TMEM266: variants seen among roughly 807,000 people sequenced by gnomAD.
TMEM266 encodes the protein Hv1 related protein 1.
In TMEM266, 33 loss-of-function variants were observed where a neutral mutation model predicts 50.5. The ratio of observed to expected loss-of-function variants is 0.65; its 90% CI spans 0.50 to 0.87. The LOEUF is 0.87. Among genes scored for constraint, TMEM266 ranks in the 40% least tolerant of loss-of-function variants. The pLI is 0.00. For synonymous variants in TMEM266, 310 were observed against 292.3 expected (o/e 1.06, Z -0.62); for missense variants, 655 against 695.1 (o/e 0.94, Z 0.65).
chr15:76,082,524 G>A (rs2036710520), intron 1 of TMEM266, among the ~76,000 whole-genome samples: 1 of 152,202 alleles, frequency 6.6e-6, no homozygotes, highest in Non-Finnish European at 1.5e-5. Context: ...GCACAGAATT[G>A]CAGCAATTAA....
chr15:76,138,205 A>G (rs1436772144), intron 3 of TMEM266, among the ~76,000 whole-genome samples: 1 of 143,402 alleles, frequency 7.0e-6, no homozygotes, highest in Non-Finnish European at 1.5e-5. Flanking sequence ...CTGGGCGACA[A>G]GAGTAAAACT....
intron 1 of TMEM266, among the ~76,000 whole-genome samples, chr15:76,083,269 T>C (rs2036723442): frequency 6.8e-6 from 1 of 147,400 alleles, no homozygotes; most frequent in South Asian, 2.2e-4. Context: ...TCTTGCTCTG[T>C]CGCCCAGGCT....
chr15:76,186,360 G>T (rs1369912212), intron 8 of TMEM266, among the ~76,000 whole-genome samples: 2 of 152,202 alleles, frequency 1.3e-5, no homozygotes, highest in Non-Finnish European at 2.9e-5. Flanking sequence ...GCCCAGCTCT[G>T]AGGGTCCCGC....
At chr15:76,130,956 A>G (rs1357094761) in intron 1 of TMEM266, among the ~76,000 whole-genome samples, 1 of 152,240 alleles carries the variant, frequency 6.6e-6, no homozygotes, top group East Asian at 1.9e-4. Flanking sequence ...CACTACTAGA[A>G]ATGTGCAAAA....
intron 1 of TMEM266, among the ~76,000 whole-genome samples, chr15:76,085,250 C>T (rs1036700455): frequency 3.4e-4 from 51 of 149,298 alleles, no homozygotes; most frequent in African/African-American, 1.1e-3. Flanking sequence ...TGAGCCACCG[C>T]GCCCAGCCTT....
chr15:76,108,378 T>G (rs1016428073), intron 1 of TMEM266, among the ~76,000 whole-genome samples: 1 of 152,204 alleles, frequency 6.6e-6, no homozygotes, highest in South Asian at 2.1e-4. Flanking sequence ...TGTCATAGAT[T>G]GTAGAAGCTT....
intron 1 of TMEM266, among the ~76,000 whole-genome samples, chr15:76,067,221 A>T (rs1182461043): frequency 6.6e-6 from 1 of 152,234 alleles, no homozygotes; most frequent in East Asian, 1.9e-4. Context: ...AGGAAAATTT[A>T]GACTCTATAA....
chr15:76,137,551 C>T (rs551773217), intron 2 of TMEM266, among the ~76,000 whole-genome samples, 156 bp from the exon 3 acceptor site: 3 of 152,300 alleles, frequency 2.0e-5, no homozygotes, highest in Admixed American at 1.3e-4. Flanking sequence ...GTCCAGTCCT[C>T]GGGTCCGCGG....
chr15:76,069,654 A>C (rs916875648), intron 1 of TMEM266, among the ~76,000 whole-genome samples: 1 of 152,064 alleles, frequency 6.6e-6, no homozygotes, highest in African/African-American at 2.4e-5. Flanking sequence ...CCCCATCTCT[A>C]CTAAATACAA....
intron 9 of TMEM266, among the ~76,000 whole-genome samples, chr15:76,201,285 CT>C (rs1244813476): frequency 1.3e-5 from 2 of 152,176 alleles, no homozygotes. Context: ...CTTAGGATGG[CT>C]TTTGGGGTCT....
intron 3 of TMEM266, among the ~76,000 whole-genome samples, chr15:76,138,114 C>G (rs1043085294): frequency 6.7e-6 from 1 of 149,318 alleles, no homozygotes; most frequent in Non-Finnish European, 1.5e-5. Flanking sequence ...CTCAGCTATT[C>G]AGGAGGCTGA....
At chr15:76,164,697 C>T (rs769580584) in intron 5 of TMEM266, among the ~76,000 whole-genome samples, 58 of 152,228 alleles carry the variant, frequency 3.8e-4, no homozygotes, top group Non-Finnish European at 7.2e-4. Flanking sequence ...CAGGGGTCAG[C>T]CAGCAGTGCC....
At chr15:76,162,217 G>A (rs2038028750) in intron 5 of TMEM266, among the ~76,000 whole-genome samples, 2 of 152,166 alleles carry the variant, frequency 1.3e-5, no homozygotes, top group East Asian at 1.9e-4. Context: ...GTGAGGGGGT[G>A]GAGCCAGGCC....
At chr15:76,130,254 AC>A (rs146345161) in intron 1 of TMEM266, among the ~76,000 whole-genome samples, 460 of 34,936 alleles carry the variant, frequency 0.013, 202 homozygotes, top group Admixed American at 0.018. Context: ...AAAAAAAAAA[AC>A]CGCCGGGTGC....
At chr15:76,129,965 C>T (rs1158282430) in intron 1 of TMEM266, among the ~76,000 whole-genome samples, 2 of 151,638 alleles carry the variant, frequency 1.3e-5, no homozygotes, top group Non-Finnish European at 2.9e-5. Context: ...GGCTCACTCC[C>T]GTGATTTTAA....
At chr15:76,103,867 G>A (rs2037040119) in intron 1 of TMEM266, among the ~76,000 whole-genome samples, 1 of 146,530 alleles carries the variant, frequency 6.8e-6, no homozygotes, top group African/African-American at 2.6e-5. Flanking sequence ...AGTCAAGATT[G>A]CACCACTGCA....
intron 1 of TMEM266, among the ~76,000 whole-genome samples, chr15:76,104,163 C>T (rs1015642580): frequency 1.6e-4 from 24 of 151,162 alleles, no homozygotes; most frequent in African/African-American, 5.8e-4. Context: ...GCCGAGATCA[C>T]GCCACTGCAC....
At chr15:76,177,537 C>T (rs2038306641) in intron 8 of TMEM266, among the ~76,000 whole-genome samples, 1 of 152,234 alleles carries the variant, frequency 6.6e-6, no homozygotes, top group Admixed American at 6.5e-5. Flanking sequence ...ATCTTTTTAT[C>T]TGCTTTGGGA....
At chr15:76,092,609 G>A (rs2036863812) in intron 1 of TMEM266, among the ~76,000 whole-genome samples, 1 of 151,724 alleles carries the variant, frequency 6.6e-6, no homozygotes, top group Non-Finnish European at 1.5e-5. Flanking sequence ...AGAATTGCTT[G>A]AACCCGGGAA....
Sources: gnomAD v4.1 joint callset for allele counts (sites outside exome capture counted in the v4.1 genomes callset) on GRCh38, gnomAD v4.1.1 for gene constraint, MANE v1.5 for transcripts, NCBI Gene and HGNC (gene_info 2026-07-23, HGNC 2026-07-21) for gene names.